Variants in GRINA observed in about 807,000 individuals in gnomAD.
GRINA encodes the protein protein lifeguard 1.
In GRINA, 26 loss-of-function variants were observed where a neutral mutation model predicts 42.5. The ratio of observed to expected loss-of-function variants is 0.61; its 90% CI spans 0.45 to 0.85. The LOEUF (loss-of-function observed/expected upper bound fraction) is 0.85, where lower values mean the gene tolerates loss of function less well. Ranked by LOEUF, GRINA falls within the 40% of genes least tolerant of loss-of-function variation. The pLI is 0.00. For missense variants in GRINA, 475 were observed against 481.5 expected, an observed-to-expected ratio of 0.99 and a Z score of 0.13; for synonymous variants, 256 against 204.2, an observed-to-expected ratio of 1.25 and a Z score of -2.17.
Position 143,992,052 on chromosome 8 carries a change from A to T in GRINA, c.667A>T (p.Lys223Ter). The T allele has an allele frequency of 6.2e-7, 1 of 1,613,930 alleles. No homozygotes were observed. Among genetic ancestry groups the T allele is most frequent in the Non-Finnish European group, 8.5e-7 (1 of 1,179,932 alleles). ...VLSCCGDFRR[K>*]HPWNLVALSV... ...CAGCTGTTGTGGGGACTTCCGGCGA[A>T]AGCACCCCTGGAACCTTGTTGCACT... Residue 223 changes from lysine to a stop codon, truncating the protein, a stop_gained, in exon 4 of 7, where the codon AAG becomes TAG. Transcript: ENST00000395068. LOFTEE classifies it high-confidence loss of function.
chr8:143,991,503 T>C lies in GRINA; in HGVS notation c.280T>C (p.Tyr94His). 1 of 1,539,248 alleles carries C rather than the reference T, an allele frequency of 6.5e-7. No individual in the cohort carries two copies. The part of the protein sequence containing the change: ...YPQEGYPQGP[Y>H]PQGGYPQGPY... Reference sequence around the variant, plus strand: ...ACAAGAGGGCTACCCACAGGGCCCCTACCCCCAAGGGGGCTACCCCCAGGG... The same window carrying C: ...ACAAGAGGGCTACCCACAGGGCCCCCACCCCCAAGGGGGCTACCCCCAGGG... The change falls in exon 2 of 7, where the codon TAC (tyrosine) becomes CAC (histidine). Residue 94 changes from tyrosine to histidine, a missense_variant. Physicochemically the swap from Tyr to His is moderately conservative, Grantham distance 83 (BLOSUM62 2). Transcript: ENST00000395068.
At position 143,993,182 on chromosome 8, in the gene GRINA, A is replaced by G; in HGVS notation, c.*341A>G. 3.2e-6 allele frequency: 1 copy of G among 317,230 alleles called. No homozygotes were observed. The highest frequency in any genetic ancestry group is 6.0e-6 in the Non-Finnish European group (1 of 165,558). 19.7% of individuals were successfully genotyped at this position (317,230 alleles called of 1,614,324 possible). On this transcript the variant is annotated 3_prime_UTR_variant, in exon 7 of 7. Transcript: ENST00000395068. ...AGGTCCCGGGGAGAGGGATTGAGCCAAGAGGTGAGGGTGCACGTCTTCCCT... is the reference window on the plus strand; with the variant it reads ...AGGTCCCGGGGAGAGGGATTGAGCCGAGAGGTGAGGGTGCACGTCTTCCCT...
Position 143,991,253 on chromosome 8 carries a change from TG to T in GRINA, c.34del (p.Asp12ThrfsTer156). 6.4e-7 allele frequency: 1 copy of T among 1,571,438 alleles called. No individual in the cohort carries two copies. The highest frequency in any genetic ancestry group is 1.8e-5 in the Admixed American group (1 of 54,944). MSHEKSFLVS[G>X]DNYPPPNPGY... is the part of the protein sequence containing the mutation. ...CCCATGAAAAGAGTTTTTTGGTGTC[TG>T]GGGACAACTATCCTCCCCCCAACCC... On this transcript the variant is annotated frameshift_variant, in exon 2 of 7. Transcript: ENST00000395068. LOFTEE classifies it high-confidence loss of function.
intron 3 of GRINA, 36 bp downstream of exon 3, chr8:143,991,840 G>A: frequency 6.2e-7 from 1 of 1,605,760 alleles, no homozygotes. Flanking sequence ...TGGGGGCTGT[G>A]GCTCCCAGCG....
rs781917620 is a variant in GRINA at position 143,992,703 on chromosome 8, G to A, written c.978G>A (p.Val326=). Residue 326 remains valine (V), a synonymous_variant, in exon 7 of 7, where the codon GTG becomes GTA. Coordinates refer to ENST00000395068, the MANE Select transcript of GRINA (RefSeq NM_001009184.2). ...GALLFTCFLA[V]DTQLLLGNKQ... ...GCTGTCACCTCCAGTTCCTCGCAGT[G>A]GACACCCAGCTGCTACTGGGGAACA... 7 of 1,613,948 alleles carry A rather than the reference G, an allele frequency of 4.3e-6. No homozygotes were observed. The highest frequency in any genetic ancestry group is 5.9e-6 in the Non-Finnish European group (7 of 1,179,954).
intron 4 of GRINA, 23 bp downstream of exon 4, chr8:143,992,101 T>C: frequency 6.2e-7 from 1 of 1,611,386 alleles, no homozygotes; most frequent in Non-Finnish European, 8.5e-7. Flanking sequence ...CCTGAGCCTC[T>C]GTGCCTGGGT....
At position 143,993,119 on chromosome 8, in the gene GRINA, C is replaced by T. The variant is rs781950595; in HGVS notation, c.*278C>T. 7.1e-6 allele frequency: 3 copies of T among 419,756 alleles called. No homozygotes were observed. Among genetic ancestry groups the T allele is most frequent in the Admixed American group, 8.2e-5 (2 of 24,256 alleles). 26.0% of individuals were successfully genotyped at this position (419,756 alleles called of 1,614,324 possible). ...CTGTCTACTCATTGTTGCATGAGCC[C>T]TGTCTGCCAGCCCACCCCAGGGACT... On this transcript the variant is annotated 3_prime_UTR_variant, in exon 7 of 7. Transcript: ENST00000395068.
chr8:143,990,223 G>A lies in GRINA; in HGVS notation c.-25+24G>A, dbSNP rs1235878687. On this transcript the variant is annotated intron_variant, in intron 1 of 6. Coordinates refer to ENST00000395068, the MANE Select transcript of GRINA (RefSeq NM_001009184.2). The surrounding 1 kb of genome is among the most constrained non-coding windows in gnomAD (Gnocchi z 5.6). ...CGGTGAGTCCCCGGCCCGAGCCCAGGAGCGCCTCTGACCCGCTGCGCCGCG... is the reference window on the plus strand; with the variant it reads ...CGGTGAGTCCCCGGCCCGAGCCCAGAAGCGCCTCTGACCCGCTGCGCCGCG... 6.7e-6 allele frequency: 1 copy of A among 149,360 alleles called. No individual in the cohort carries two copies. The highest frequency in any genetic ancestry group is 1.5e-5 in the Non-Finnish European group (1 of 66,900). The allele number at this position is 149,360 out of a possible 1,614,324, so 9.3% of individuals were successfully genotyped here.
Position 143,992,875 on chromosome 8 carries a change from C to T in GRINA, c.*34C>T, listed in dbSNP as rs1554750835. 1 of 1,601,190 alleles carries T rather than the reference C, an allele frequency of 6.2e-7. No individual in the cohort carries two copies. The highest frequency in any genetic ancestry group is 1.7e-5 in the Admixed American group (1 of 58,942). On this transcript the variant is annotated 3_prime_UTR_variant, in exon 7 of 7. Transcript: ENST00000395068. ...CAGCTCGCTGTGCCCGCTCAGGTGG[C>T]ACGGCTGGCCTGGACCCTGCCCCTG...
rs555752894 is a variant in GRINA, at chr8:143,991,665, C to T, written c.380-27C>T. The T allele has an allele frequency of 5.5e-5, 88 of 1,590,350 alleles. No individual in the cohort carries two copies. The South Asian group carries it at 9.6e-4, about 17-fold the overall frequency. ...GGCAGGGGGAGGTGCTTGTGAGTGG[C>T]GCTGACCCAGCCTGTCTGCTTCTCA... On this transcript the variant is annotated intron_variant, in intron 2 of 6. Transcript: ENST00000395068.
rs1456040498 is a variant in GRINA, at chr8:143,992,012, C to G, written c.627C>G (p.Ile209Met). ...TYYVSYAVFF[I>M]SLIVLSCCGD... ...ATGTCTCCTATGCTGTCTTCTTCAT[C>G]TCTCTCATCGTCCTCAGCTGTTGTG... The change falls in exon 4 of 7, where the codon ATC becomes ATG. Residue 209 changes from isoleucine (I) to methionine (M), a missense_variant. By Grantham distance (10) the Ile-to-Met change is conservative (BLOSUM62 1). Around this residue, in one of 2 missense-constraint regions of GRINA, gnomAD observed 321 missense variants for 267.2 expected, o/e 1.20. Transcript: ENST00000395068. 6.2e-7 allele frequency: 1 copy of G among 1,613,776 alleles called. No individual in the cohort carries two copies. Among genetic ancestry groups the G allele is most frequent in the Non-Finnish European group, 8.5e-7 (1 of 1,179,888 alleles).
intron 6 of GRINA, 41 bp from the exon 7 acceptor site, chr8:143,992,651 G>C (rs1554750757): frequency 6.2e-7 from 1 of 1,613,936 alleles, no homozygotes; most frequent in East Asian, 2.2e-5. Flanking sequence ...ATGCTGGGCA[G>C]GCAGGCTTGT....
chr8:143,991,962 G>A lies in GRINA; in HGVS notation c.577G>A (p.Val193Ile). 1 of 1,613,854 alleles carries A rather than the reference G, an allele frequency of 6.2e-7. No homozygotes were observed. The highest frequency in any genetic ancestry group is 8.5e-7 in the Non-Finnish European group (1 of 1,179,856). Residue 193 changes from valine to isoleucine, a missense_variant, in exon 4 of 7, where the codon GTC (valine) becomes ATC (isoleucine). By Grantham distance (29) the Val-to-Ile change is conservative (BLOSUM62 3). Around this residue, in one of 2 missense-constraint regions of GRINA, gnomAD observed 321 missense variants for 267.2 expected, o/e 1.20. Coordinates refer to ENST00000395068, the MANE Select transcript of GRINA (RefSeq NM_001009184.2). The stretch of plus-strand genomic sequence containing the variant: ...TTTTGTTGCGGAGGTGAAGGGCTTT[G>A]TCCGGGAGAATGTCTGGACCTACTA... ...FTFVAEVKGF[V>I]RENVWTYYVS...
Position 143,991,677 on chromosome 8 carries a change from C to T in GRINA, c.380-15C>T, listed in dbSNP as rs1554750527. On this transcript the variant is annotated splice_polypyrimidine_tract_variant and intron_variant, in intron 2 of 6. Transcript: ENST00000395068. ...TGCTTGTGAGTGGCGCTGACCCAGC[C>T]TGTCTGCTTCTCAGCACCCCAGCAT... The T allele has an allele frequency of 1.9e-6, 3 of 1,601,208 alleles. No homozygotes were observed. Among genetic ancestry groups the T allele is most frequent in the South Asian group, 1.1e-5 (1 of 90,820 alleles).
chr8:143,991,966 G>A lies in GRINA; in HGVS notation c.581G>A (p.Arg194Gln), dbSNP rs782608912. 2.3e-5 allele frequency: 37 copies of A among 1,613,396 alleles called. No individual in the cohort carries two copies. In the East Asian group the frequency reaches 4.9e-4, roughly 21 times the overall value. The change falls in exon 4 of 7, where the codon CGG (arginine) becomes CAG (glutamine). Residue 194 changes from arginine to glutamine, a missense_variant. Arg to Gln is a conservative substitution (Grantham distance 43). Coordinates refer to ENST00000395068, the MANE Select transcript of GRINA (RefSeq NM_001009184.2). ...TFVAEVKGFV[R>Q]ENVWTYYVSY... ...GTTGCGGAGGTGAAGGGCTTTGTCC[G>A]GGAGAATGTCTGGACCTACTATGTC... is the stretch of plus-strand genomic sequence containing the variant.
chr8:143,991,671 C>G, intron 2 of GRINA, 21 bp from the exon 3 acceptor site: 1 of 1,596,530 alleles, frequency 6.3e-7, no homozygotes. Context: ...GTGGCGCTGA[C>G]CCAGCCTGTC....
At position 143,992,474 on chromosome 8, in the gene GRINA, G is replaced by A. The variant is rs782544244; in HGVS notation, c.832G>A (p.Asp278Asn). 8.7e-6 allele frequency: 14 copies of A among 1,613,998 alleles called. No homozygotes were observed. The highest frequency in any genetic ancestry group is 2.2e-5 in the East Asian group (1 of 44,898). ...CCTCTCCCACCTGCAGACCCGCTACGACTTCACCTCATGCATGGGCGTGCT... is the reference window on the plus strand; with the variant it reads ...CCTCTCCCACCTGCAGACCCGCTACAACTTCACCTCATGCATGGGCGTGCT... ...VVIFSMQTRY[D>N]FTSCMGVLLV... Residue 278 changes from aspartate to asparagine, a missense_variant, in exon 6 of 7, where the codon GAC becomes AAC. By Grantham distance (23) the Asp-to-Asn change is conservative (BLOSUM62 1). Transcript: ENST00000395068.
chr8:143,990,515 C>G lies in GRINA; in HGVS notation c.-25+316C>G, dbSNP rs1298429173. The G allele has an allele frequency of 6.6e-6, 1 of 152,336 alleles. No individual in the cohort carries two copies. The highest frequency in any genetic ancestry group is 1.5e-5 in the Non-Finnish European group (1 of 68,248). The allele number at this position is 152,336 out of a possible 1,614,324, so 9.4% of individuals were successfully genotyped here. A position where few individuals can be genotyped will look rare whatever the true frequency, so the allele number is the denominator to read the frequency against. ...CCAGTGCCACGGCCGCAGCCCCTAC[C>G]CGCCTCGCCCCACGCCCGCTTTGTT... On this transcript the variant is annotated intron_variant, in intron 1 of 6. Coordinates refer to ENST00000395068, the MANE Select transcript of GRINA (RefSeq NM_001009184.2). This position sits in a 1 kb window ranked among gnomAD's most constrained non-coding sequence, Gnocchi z 5.6.
chr8:143,991,536 C>A lies in GRINA; in HGVS notation c.313C>A (p.Pro105Thr). Reference sequence around the variant, plus strand: ...AGGGGGCTACCCCCAGGGGCCATATCCCCAGAGCCCCTTCCCCCCCAACCC... The same window carrying A: ...AGGGGGCTACCCCCAGGGGCCATATACCCAGAGCCCCTTCCCCCCCAACCC... ...PQGGYPQGPY[P>T]QSPFPPNPYG... Residue 105 changes from proline (P) to threonine (T), a missense_variant, in exon 2 of 7, where the codon CCC (proline) becomes ACC (threonine). By Grantham distance (38) the Pro-to-Thr change is conservative (BLOSUM62 -1). Coordinates refer to ENST00000395068, the MANE Select transcript of GRINA (RefSeq NM_001009184.2). The A allele has an allele frequency of 2.0e-6, 3 of 1,476,528 alleles. No homozygotes were observed. Among genetic ancestry groups the A allele is most frequent in the East Asian group, 2.3e-5 (1 of 43,968 alleles). 91.5% of individuals were successfully genotyped at this position (1,476,528 alleles called of 1,614,324 possible). A position where few individuals can be genotyped will look rare whatever the true frequency, so the allele number is the denominator to read the frequency against.
Sources: gnomAD v4.1 joint callset for allele counts on GRCh38, gnomAD v4.1.1 for gene constraint, gnomAD v4.1.1 regional missense constraint, Gnocchi (gnomAD v3.1) non-coding constraint, MANE v1.5 for transcripts, NCBI Gene and HGNC (gene_info 2026-07-23, HGNC 2026-07-21) for gene names.